The following MACROD2 variants were observed in gnomAD, a reference collection of about 807,000 sequenced individuals.
MACROD2 encodes the protein mono-ADP ribosylhydrolase 2.
Under a neutral mutation model 70.4 loss-of-function variants are expected in MACROD2, and 36 were observed. That is an observed-to-expected ratio of 0.51 (90% CI 0.39 to 0.68). MACROD2 has a LOEUF of 0.68. Among genes scored for constraint, MACROD2 ranks in the 30% least tolerant of loss-of-function variants. MACROD2 has a pLI of 0.00. For synonymous variants in MACROD2, 172 were observed against 178.8 expected, an observed-to-expected ratio of 0.96 and a Z score of 0.30; for missense variants, 496 against 538.4, an observed-to-expected ratio of 0.92 and a Z score of 0.78.
intron 5 of MACROD2, chr20:15,022,703 T>A (rs926455805): frequency 6.6e-6 from 1 of 152,222 alleles, no homozygotes. Flanking sequence ...TACATAGCTT[T>A]ATGAGTTTTG....
intron 3 of MACROD2, among the ~76,000 whole-genome samples, chr20:14,208,292 GTTGGATTGTGACATC>G (rs1391962707): frequency 6.6e-6 from 1 of 152,196 alleles, no homozygotes; most frequent in Non-Finnish European, 1.5e-5. Context: ...TAGCTAGATA[GTTGGATTGTGACATC>G]TTTGGATATA....
At chr20:14,757,511 C>G in intron 5 of MACROD2, 1 of 613,064 alleles carries the variant, frequency 1.6e-6, no homozygotes, top group East Asian at 2.8e-5. Flanking sequence ...CCATATGTCT[C>G]TTTTTAAAAG....
chr20:16,041,136 A>G lies in MACROD2; in HGVS notation c.1154-65A>G. On this transcript the variant is annotated intron_variant, in intron 15 of 17. Coordinates refer to ENST00000684519, the MANE Select transcript of MACROD2 (RefSeq NM_001351661.2). Reference sequence around the variant, plus strand: ...AAAAGGGCAATGGAGGGTGACAGAAATGATTGGCCCTCAGGCTGTTATAAT... The same window carrying G: ...AAAAGGGCAATGGAGGGTGACAGAAGTGATTGGCCCTCAGGCTGTTATAAT... 3 of 1,351,366 alleles carry G rather than the reference A, an allele frequency of 2.2e-6. No individual in the cohort carries two copies. The South Asian group carries it at 3.9e-5, about 17-fold the overall frequency. 83.7% of individuals were successfully genotyped at this position (1,351,366 alleles called of 1,614,324 possible). A position where few individuals can be genotyped will look rare whatever the true frequency, so the allele number is the denominator to read the frequency against.
intron 5 of MACROD2, chr20:14,888,598 T>G (rs1474943732): frequency 6.6e-6 from 1 of 152,112 alleles, no homozygotes; most frequent in East Asian, 1.9e-4. Flanking sequence ...TTAAATAAAA[T>G]TAATTTTAAG....
chr20:14,804,038 A>G (rs1362406269), intron 5 of MACROD2, among the ~76,000 whole-genome samples: 1 of 152,042 alleles, frequency 6.6e-6, no homozygotes, highest in Non-Finnish European at 1.5e-5. Context: ...TTATTTAGCA[A>G]AATTGAGTAT....
intron 5 of MACROD2, among the ~76,000 whole-genome samples, chr20:14,699,573 G>C (rs931723628): frequency 6.6e-6 from 1 of 152,126 alleles, no homozygotes; most frequent in Non-Finnish European, 1.5e-5. Flanking sequence ...ATGATAGTCA[G>C]GGAGATAATA....
chr20:15,585,817 C>T (rs1273427628), intron 8 of MACROD2, among the ~76,000 whole-genome samples: 4 of 151,716 alleles, frequency 2.6e-5, no homozygotes, highest in Non-Finnish European at 5.9e-5. Context: ...AAATAAACTA[C>T]TAGCCCTGAA....
intron 5 of MACROD2, among the ~76,000 whole-genome samples, chr20:15,045,111 A>G (rs1001547757): frequency 2.6e-5 from 4 of 152,188 alleles, no homozygotes; most frequent in Non-Finnish European, 5.9e-5. Flanking sequence ...AGAACCTAAC[A>G]GTACTAAAGA....
chr20:14,912,460 A>G (rs1168529693), intron 5 of MACROD2, among the ~76,000 whole-genome samples: 1 of 152,196 alleles, frequency 6.6e-6, no homozygotes, highest in East Asian at 1.9e-4. Context: ...AGAAGTCATT[A>G]CTAAGGAAAC....
intron 8 of MACROD2, among the ~76,000 whole-genome samples, chr20:15,544,072 T>A (rs6043354): frequency 0.18 from 28,115 of 152,076 alleles, 3,256 homozygotes; most frequent in East Asian, 0.44. Context: ...AGGGAAAGGA[T>A]GTGGATACAG....
At chr20:15,326,547 T>G (rs540164796) in intron 6 of MACROD2, among the ~76,000 whole-genome samples, 1 of 152,160 alleles carries the variant, frequency 6.6e-6, no homozygotes, top group Non-Finnish European at 1.5e-5. Flanking sequence ...ATAAATTCCC[T>G]ATAACCATTT....
At chr20:14,968,834 C>T (rs2074662755) in intron 5 of MACROD2, among the ~76,000 whole-genome samples, 1 of 152,194 alleles carries the variant, frequency 6.6e-6, no homozygotes, top group African/African-American at 2.4e-5. Context: ...TGCTGTCTCC[C>T]ATCTGCCTCT....
chr20:14,167,767 A>T (rs1324040458), intron 3 of MACROD2, among the ~76,000 whole-genome samples: 1 of 152,202 alleles, frequency 6.6e-6, no homozygotes, highest in East Asian at 1.9e-4. Flanking sequence ...TTATTGAGTT[A>T]TATCTTTTGT....
chr20:14,337,415 GA>G, intron 3 of MACROD2: 2 of 379,976 alleles, frequency 5.3e-6, no homozygotes, highest in Non-Finnish European at 4.7e-6. Context: ...AGGAAGACGA[GA>G]AAAAGCAATC....
In MACROD2 at chr20:15,360,938, C is replaced by A. The variant is rs183206145; in HGVS notation, c.541-70467C>A. On this transcript the variant is annotated intron_variant, in intron 6 of 17. Transcript: ENST00000684519. ...TTTTTACTGTTGAGTTTCAAGAGTT[C>A]TTTTTGGATACTAGATATCGGACCT... Among the ~76,000 whole-genome samples the A allele has an allele frequency of 5.3e-5, 8 of 150,874 alleles. No individual in the cohort carries two copies. In the East Asian group the frequency reaches 1.4e-3, roughly 26 times the overall value.
intron 3 of MACROD2, among the ~76,000 whole-genome samples, chr20:14,279,047 T>C (rs1279189184): frequency 6.6e-6 from 1 of 152,162 alleles, no homozygotes; most frequent in Non-Finnish European, 1.5e-5. Flanking sequence ...TGGAGGCCAT[T>C]AGAGGCCTTT....
intron 3 of MACROD2, among the ~76,000 whole-genome samples, chr20:14,199,408 G>T (rs929381027): frequency 6.6e-6 from 1 of 152,230 alleles, no homozygotes; most frequent in African/African-American, 2.4e-5. Context: ...CAGCTGCATA[G>T]TTAACAATCA....
intron 15 of MACROD2, among the ~76,000 whole-genome samples, chr20:16,029,977 C>G (rs2067130969): frequency 6.6e-6 from 1 of 152,176 alleles, no homozygotes. Flanking sequence ...CCAGGTGATG[C>G]TTCCTTGAAG....
intron 3 of MACROD2, among the ~76,000 whole-genome samples, chr20:14,375,957 GA>G (rs1336134979): frequency 1.6e-4 from 24 of 152,156 alleles, no homozygotes; most frequent in African/African-American, 5.3e-4. Context: ...TTACACATAA[GA>G]GTGTCCTGAA....
Sources: gnomAD v4.1 joint callset for allele counts (sites outside exome capture counted in the v4.1 genomes callset) on GRCh38, gnomAD v4.1.1 for gene constraint, MANE v1.5 for transcripts, NCBI Gene and HGNC (gene_info 2026-07-23, HGNC 2026-07-21) for gene names.